The following ASCC3 variants were observed in gnomAD, a reference collection of about 807,000 sequenced individuals.
ASCC3 encodes ASC-1 complex subunit P200.
In ASCC3, 158 loss-of-function variants were observed where a neutral mutation model predicts 256.3. The observed-to-expected ratio is 0.62, with a 90% CI of 0.54 to 0.70. The LOEUF (loss-of-function observed/expected upper bound fraction) is 0.70, where lower values mean the gene tolerates loss of function less well. ASCC3 is among the 30% of genes least tolerant of loss of function. The pLI is 0.00. For synonymous variants in ASCC3, 948 were observed against 883.4 expected, an observed-to-expected ratio of 1.07 and a Z score of -1.30; for missense variants, 2,259 against 2,626.0, an observed-to-expected ratio of 0.86 and a Z score of 3.05.
intron 8 of ASCC3, among the ~76,000 whole-genome samples, chr6:100,791,133 T>G (rs547694453): frequency 2.0e-5 from 3 of 151,870 alleles, no homozygotes; most frequent in African/African-American, 7.2e-5. Context: ...AGGAAGATTA[T>G]CCAATATATC....
chr6:100,865,130 G>A (rs1773416838), intron 2 of ASCC3, among the ~76,000 whole-genome samples: 1 of 152,094 alleles, frequency 6.6e-6, no homozygotes, highest in Non-Finnish European at 1.5e-5. Context: ...ATGGGCAAAG[G>A]TAGAGATGAA....
At position 100,509,449 on chromosome 6, in the gene ASCC3, C is replaced by A; in HGVS notation, c.6546G>T (p.Ala2182=). Residue 2182 remains alanine, a synonymous_variant, in exon 42 of 42, where the codon GCG becomes GCT. Coordinates refer to ENST00000369162, the MANE Select transcript of ASCC3 (RefSeq NM_006828.4). The part of the protein sequence containing the change: ...QYDIYLNVTQ[A]SLSAQVNTKV... ...TGGTGTTGACCTGTGCAGAAAGACTCGCTTGTGTAACGTTGAGATAGATGT... is the reference window on the plus strand; with the variant it reads ...TGGTGTTGACCTGTGCAGAAAGACTAGCTTGTGTAACGTTGAGATAGATGT... 1 of 1,614,168 alleles carries A rather than the reference C, an allele frequency of 6.2e-7. No individual in the cohort carries two copies. The highest frequency in any genetic ancestry group is 1.1e-5 in the South Asian group (1 of 91,080).
chr6:100,622,892 TAAC>T (rs1440283223), intron 30 of ASCC3, among the ~76,000 whole-genome samples: 1 of 151,926 alleles, frequency 6.6e-6, no homozygotes, highest in South Asian at 2.1e-4. Context: ...ATATTAAAAT[TAAC>T]AACAACAACA....
At position 100,638,665 on chromosome 6, in the gene ASCC3, G is replaced by C; in HGVS notation, c.4058C>G (p.Ser1353Trp). The C allele has an allele frequency of 6.2e-7, 1 of 1,613,998 alleles. No homozygotes were observed. Among genetic ancestry groups the C allele is most frequent in the Non-Finnish European group, 8.5e-7 (1 of 1,179,922 alleles). The change falls in exon 25 of 42, where the codon TCG (serine) becomes TGG (tryptophan). Residue 1353 changes from serine to tryptophan, a missense_variant. By Grantham distance (177) the Ser-to-Trp change is radical. Transcript: ENST00000369162. Reference sequence around the variant, plus strand: ...TAATTCAGCTGCAACAGTCTTTCCCGATCCAGTAGGTGCTCCAAGTAGGAC... The same window carrying C: ...TAATTCAGCTGCAACAGTCTTTCCCCATCCAGTAGGTGCTCCAAGTAGGAC... ...CNVLLGAPTG[S>W]GKTVAAELAI... is the part of the protein sequence containing the mutation.
chr6:100,650,856 T>C (rs1290823982), intron 19 of ASCC3, 142 bp from the exon 20 acceptor site: 3 of 708,092 alleles, frequency 4.2e-6, no homozygotes, highest in East Asian at 2.7e-5. Context: ...TAAATAACAA[T>C]GATTTTTCCA....
In ASCC3 at chr6:100,745,965, G is replaced by A. The variant is rs537490945; in HGVS notation, c.1738-20262C>T. Among the ~76,000 whole-genome samples the A allele has an allele frequency of 2.2e-4, 34 of 151,828 alleles. 1 individual carries two copies. Among genetic ancestry groups the A allele is most frequent in the Admixed American group, 1.1e-3 (17 of 15,232 alleles). The stretch of plus-strand genomic sequence containing the variant: ...TATATATCTATCGACATAGATAGGC[G>A]TTCATGGTATATTTTAAAATAATAA... On this transcript the variant is annotated intron_variant, in intron 10 of 41. Transcript: ENST00000369162.
At chr6:100,627,121 G>A (rs909230143) in intron 29 of ASCC3, among the ~76,000 whole-genome samples, 1 of 152,046 alleles carries the variant, frequency 6.6e-6, no homozygotes, top group Non-Finnish European at 1.5e-5. Context: ...AATAAAACAT[G>A]TTTCAATAAA....
At chr6:100,785,800 A>G (rs1769044794) in intron 8 of ASCC3, among the ~76,000 whole-genome samples, 2 of 152,232 alleles carry the variant, frequency 1.3e-5, no homozygotes, top group African/African-American at 4.8e-5. Flanking sequence ...TCTAAGAAGC[A>G]TAACAAAAAC....
intron 3 of ASCC3, chr6:100,856,255 A>G (rs978215686): frequency 5.4e-6 from 2 of 368,666 alleles, no homozygotes; most frequent in Non-Finnish European, 7.5e-6. Flanking sequence ...TTCCTAATAC[A>G]TATATTTATG....
rs1562098517 is a variant in ASCC3, at chr6:100,532,398, ATATATATATTTT to A, written c.5775+7753_5775+7764del. 1.1e-3 allele frequency among the ~76,000 whole-genome samples: 49 copies of A among 46,396 alleles called. 1 individual carries two copies. The highest frequency in any genetic ancestry group is 3.8e-3 in the African/African-American group (43 of 11,434). 30.4% of individuals were successfully genotyped at this position (46,396 alleles called of 152,430 possible). ...TGTGTGTATATATATATATATATAT[ATATATATATTTT>A]TTTTTTTTTTTTTTTTTAAATTACA... is the stretch of plus-strand genomic sequence containing the variant. On this transcript the variant is annotated intron_variant, in intron 37 of 41. Coordinates refer to ENST00000369162, the MANE Select transcript of ASCC3 (RefSeq NM_006828.4).
intron 36 of ASCC3, among the ~76,000 whole-genome samples, chr6:100,554,957 G>A (rs978964489): frequency 2.0e-5 from 3 of 151,150 alleles, no homozygotes; most frequent in African/African-American, 7.3e-5. Context: ...CTTATGATTT[G>A]GACTTTTATT....
At chr6:100,789,979 T>A (rs1005580676) in intron 8 of ASCC3, among the ~76,000 whole-genome samples, 2 of 151,940 alleles carry the variant, frequency 1.3e-5, no homozygotes, top group Non-Finnish European at 2.9e-5. Flanking sequence ...CACCACTGGA[T>A]CAAATTTAAA....
chr6:100,734,825 G>T (rs1197307734), intron 10 of ASCC3, among the ~76,000 whole-genome samples: 1 of 152,140 alleles, frequency 6.6e-6, no homozygotes, highest in East Asian at 1.9e-4. Flanking sequence ...ATATACTTAT[G>T]TAACAAAACA....
At chr6:100,595,021 G>A (rs1772212836) in intron 34 of ASCC3, among the ~76,000 whole-genome samples, 5 of 151,974 alleles carry the variant, frequency 3.3e-5, no homozygotes, top group Admixed American at 6.6e-5. Flanking sequence ...GTAGAGGGTA[G>A]GATGTCAGTT....
intron 29 of ASCC3, among the ~76,000 whole-genome samples, chr6:100,626,650 A>C (rs1774252617): frequency 6.6e-6 from 1 of 152,112 alleles, no homozygotes; most frequent in African/African-American, 2.4e-5. Context: ...AAACTCATTT[A>C]TCTTATTTCT....
chr6:100,783,037 T>A (rs9404046), intron 8 of ASCC3, among the ~76,000 whole-genome samples: 18,125 of 151,800 alleles, frequency 0.12, 1,448 homozygotes, highest in Middle Eastern at 0.16. Context: ...ATGACTGACA[T>A]CTTTTAAGAA....
At chr6:100,637,340 G>C (rs916563385) in intron 25 of ASCC3, among the ~76,000 whole-genome samples, 5 of 152,180 alleles carry the variant, frequency 3.3e-5, no homozygotes, top group Non-Finnish European at 5.9e-5. Flanking sequence ...TAAGCCCACT[G>C]TTGAGACCTA....
intron 36 of ASCC3, among the ~76,000 whole-genome samples, chr6:100,577,209 A>T (rs1159744509): frequency 6.6e-6 from 1 of 152,024 alleles, no homozygotes; most frequent in Non-Finnish European, 1.5e-5. Context: ...TTAGTTCTTT[A>T]GTAACTTTTA....
At chr6:100,558,516 A>G (rs1283323507) in intron 36 of ASCC3, among the ~76,000 whole-genome samples, 1 of 152,192 alleles carries the variant, frequency 6.6e-6, no homozygotes, top group Non-Finnish European at 1.5e-5. Flanking sequence ...TTTGCAAGCC[A>G]TATCTCAAAA....
Sources: gnomAD v4.1 joint callset for allele counts (sites outside exome capture counted in the v4.1 genomes callset) on GRCh38, gnomAD v4.1.1 for gene constraint, MANE v1.5 for transcripts, NCBI Gene and HGNC (gene_info 2026-07-23, HGNC 2026-07-21) for gene names.